Variants in KDM6A observed in about 807,000 individuals in gnomAD.
KDM6A encodes lysine demethylase 6A, also known as lysine-specific demethylase 6A.
A neutral mutation model predicts 117.6 loss-of-function variants in KDM6A; 11 were observed. That is an observed-to-expected ratio of 0.09 (90% CI 0.06 to 0.15). The LOEUF is 0.15. KDM6A is among the 10% of genes least tolerant of loss of function. The pLI is 1.00. For missense variants in KDM6A, 799 were observed against 1,077.3 expected (o/e 0.74, Z 3.62); for synonymous variants, 384 against 396.1 (o/e 0.97, Z 0.36).
intron 2 of KDM6A, among the ~76,000 whole-genome samples, chrX:44,877,075 A>G (rs1569323917): frequency 2.7e-5 from 3 of 112,073 alleles, no homozygotes; most frequent in South Asian, 3.6e-4. Context: ...ATATATGTAT[A>G]TATATGCATA....
rs139140660 is a variant in KDM6A at position 44,990,355 on chromosome X, G to A, written c.384+15640G>A. 1.1e-3 allele frequency among the ~76,000 whole-genome samples: 126 copies of A among 110,470 alleles called. 1 individual carries two copies. The highest frequency in any genetic ancestry group is 4.7e-3 in the Middle Eastern group (1 of 213). On this transcript the variant is annotated intron_variant, in intron 4 of 29. Coordinates refer to ENST00000611820, the MANE Select transcript of KDM6A (RefSeq NM_001291415.2). ...GGAGTTCAAGACCAGCCTGGTTAACGTGGTGAAACCCCGTTTCTACTAACA... is the reference window on the plus strand; with the variant it reads ...GGAGTTCAAGACCAGCCTGGTTAACATGGTGAAACCCCGTTTCTACTAACA...
At chrX:45,019,600 TC>T (rs2042095798) in intron 5 of KDM6A, among the ~76,000 whole-genome samples, 1 of 111,895 alleles carries the variant, frequency 8.9e-6, no homozygotes, top group Non-Finnish European at 1.9e-5. Flanking sequence ...CATCTAAGAT[TC>T]TAAATAGCCA....
chrX:45,101,086 T>C (rs1280770440), intron 27 of KDM6A, among the ~76,000 whole-genome samples: 1 of 111,533 alleles, frequency 9.0e-6, no homozygotes, highest in African/African-American at 3.3e-5. Flanking sequence ...ATGTGTTCGA[T>C]GTTTGCCCAT....
rs758406571 is a variant in KDM6A, at chrX:44,895,322, C to T, written c.225+21335C>T. ...TAGAGATGGGGTTTCACCGCGTTAGCCGGGATGGTCTCATCTCAATCTCCT... is the reference window on the plus strand; with the variant it reads ...TAGAGATGGGGTTTCACCGCGTTAGTCGGGATGGTCTCATCTCAATCTCCT... On this transcript the variant is annotated intron_variant, in intron 2 of 29. Coordinates refer to ENST00000611820, the MANE Select transcript of KDM6A (RefSeq NM_001291415.2). Among the ~76,000 whole-genome samples, 15 of 107,460 alleles carry T rather than the reference C, an allele frequency of 1.4e-4. No individual in the cohort carries two copies. The South Asian group carries it at 6.0e-3, about 43-fold the overall frequency. The allele number at this position is 107,460 out of a possible 115,157, so 93.3% of individuals were successfully genotyped here. A position where few individuals can be genotyped will look rare whatever the true frequency, so the allele number is the denominator to read the frequency against.
chrX:45,051,966 C>A (rs1019867298), intron 9 of KDM6A, among the ~76,000 whole-genome samples, 164 bp downstream of exon 9: 1 of 111,645 alleles, frequency 9.0e-6, no homozygotes, highest in Admixed American at 9.5e-5. Flanking sequence ...CATTGTCCTT[C>A]CCACAGTCTG....
chrX:45,056,537 C>T (rs1204304368), intron 10 of KDM6A, among the ~76,000 whole-genome samples: 1 of 112,182 alleles, frequency 8.9e-6, no homozygotes, highest in Non-Finnish European at 1.9e-5. Flanking sequence ...TAGAATATTA[C>T]AACTGGGAGG....
chrX:44,990,553 CATAAATAAATAA>C (rs373439965), intron 4 of KDM6A, among the ~76,000 whole-genome samples: 11 of 93,831 alleles, frequency 1.2e-4, no homozygotes, highest in Non-Finnish European at 2.3e-4. Context: ...TGTCTCAAAA[CATAAATAAATAA>C]ATAAATAAAT....
chrX:44,910,851 G>A (rs367905991), intron 2 of KDM6A, among the ~76,000 whole-genome samples: 1 of 112,020 alleles, frequency 8.9e-6, no homozygotes, highest in Non-Finnish European at 1.9e-5. Flanking sequence ...CAAGGCAGAA[G>A]AATTTTTCTT....
intron 8 of KDM6A, among the ~76,000 whole-genome samples, chrX:45,045,588 GAAA>G (rs569636939): frequency 2.3e-3 from 81 of 35,666 alleles, no homozygotes; most frequent in African/African-American, 6.2e-3. Context: ...TCTGTCTCAA[GAAA>G]AAAAAAAAAA....
At position 45,060,290 on chromosome X, in the gene KDM6A, A is replaced by G. The variant is rs979202402; in HGVS notation, c.1329+134A>G. ...GCCTTTTGATTTAATTGCAAAGGGA[A>G]TCTAGATCAAAATAAAATTCCCTCT... On this transcript the variant is annotated intron_variant, in intron 13 of 29. Transcript: ENST00000611820. 2.9e-6 allele frequency: 3 copies of G among 1,025,722 alleles called. No individual in the cohort carries two copies. The African/African-American group carries it at 5.7e-5, about 20-fold the overall frequency. 84.5% of individuals were successfully genotyped at this position (1,025,722 alleles called of 1,213,427 possible).
chrX:44,912,933 A>G (rs145630665), intron 2 of KDM6A, among the ~76,000 whole-genome samples: 2 of 112,469 alleles, frequency 1.8e-5, no homozygotes, highest in Non-Finnish European at 3.8e-5. Flanking sequence ...TTGCAATGTT[A>G]TCTGCCCTCA....
intron 2 of KDM6A, among the ~76,000 whole-genome samples, chrX:44,919,237 T>A (rs1217672648): frequency 8.9e-6 from 1 of 111,835 alleles, no homozygotes; most frequent in African/African-American, 3.2e-5. Context: ...TAGTTTTTAC[T>A]GTTCCAGGAT....
chrX:45,030,971 A>T (rs1468369533), intron 6 of KDM6A, among the ~76,000 whole-genome samples: 2 of 112,214 alleles, frequency 1.8e-5, no homozygotes, highest in Non-Finnish European at 3.8e-5. Context: ...CTGAGATTAT[A>T]GGTGTGAGCC....
At chrX:44,983,668 G>GT (rs1277892444) in intron 4 of KDM6A, among the ~76,000 whole-genome samples, 2 of 106,394 alleles carry the variant, frequency 1.9e-5, no homozygotes, top group African/African-American at 3.5e-5. Flanking sequence ...GTGGTGTTTG[G>GT]TTTTTTGTCC....
intron 2 of KDM6A, among the ~76,000 whole-genome samples, chrX:44,885,676 C>A (rs2032795497): frequency 9.1e-6 from 1 of 110,476 alleles, no homozygotes; most frequent in African/African-American, 3.3e-5. Context: ...CGAGACCAGC[C>A]TGGCCAACAT....
intron 4 of KDM6A, among the ~76,000 whole-genome samples, chrX:45,008,481 T>C (rs2041609647): frequency 8.9e-6 from 1 of 111,949 alleles, no homozygotes; most frequent in African/African-American, 3.2e-5. Flanking sequence ...TGTTGCTCCC[T>C]TTCCTTTCAC....
At chrX:44,989,689 A>T (rs971522621) in intron 4 of KDM6A, among the ~76,000 whole-genome samples, 2 of 112,198 alleles carry the variant, frequency 1.8e-5, no homozygotes, top group African/African-American at 6.5e-5. Context: ...CTCAGTGGGG[A>T]TTAGGAAAGA....
intron 2 of KDM6A, among the ~76,000 whole-genome samples, chrX:44,882,825 A>G (rs1212969679): frequency 2.7e-5 from 3 of 111,513 alleles, no homozygotes; most frequent in African/African-American, 9.8e-5. Context: ...TGGGGCAACC[A>G]ATAAGACCTG....
At chrX:45,009,865 C>T (rs1380102184) in intron 4 of KDM6A, among the ~76,000 whole-genome samples, 1 of 111,515 alleles carries the variant, frequency 9.0e-6, no homozygotes, top group African/African-American at 3.3e-5. Context: ...CACTTCTTTA[C>T]TTCATTAAAG....
Sources: gnomAD v4.1 joint callset for allele counts (sites outside exome capture counted in the v4.1 genomes callset) on GRCh38, gnomAD v4.1.1 for gene constraint, MANE v1.5 for transcripts, NCBI Gene and HGNC (gene_info 2026-07-23, HGNC 2026-07-21) for gene names.